ROBO2: variants seen among roughly 807,000 people sequenced by gnomAD.
ROBO2 encodes the protein roundabout homolog 2.
A neutral mutation model predicts 160.8 loss-of-function variants in ROBO2; 53 were observed. That is an observed-to-expected ratio of 0.33 (90% CI 0.26 to 0.41). The LOEUF is 0.41. ROBO2 is among the 10% of genes least tolerant of loss of function. The pLI, the probability that ROBO2 is intolerant of heterozygous loss-of-function variation, is 1.00. For missense variants in ROBO2, 1,577 were observed against 1,722.4 expected (o/e 0.92, Z 1.49); for synonymous variants, 664 against 611.7 (o/e 1.09, Z -1.26).
chr3:77,276,831 A>T (rs2059861101), intron 2 of ROBO2, among the ~76,000 whole-genome samples: 1 of 152,318 alleles, frequency 6.6e-6, no homozygotes, highest in East Asian at 1.9e-4. Context: ...AAGTCGAATG[A>T]GGAGCAAAGT....
intron 2 of ROBO2, among the ~76,000 whole-genome samples, chr3:77,304,456 C>CCGTTAGA (rs1367917538): frequency 6.6e-6 from 1 of 152,046 alleles, no homozygotes; most frequent in Non-Finnish European, 1.5e-5. Flanking sequence ...GAAGTGAGAG[C>CCGTTAGA]CGTTAGACGC....
At chr3:76,346,816 C>A (rs2074560319) in intron 2 of ROBO2, among the ~76,000 whole-genome samples, 3 of 152,156 alleles carry the variant, frequency 2.0e-5, no homozygotes, top group Non-Finnish European at 4.4e-5. Flanking sequence ...GATATACTCA[C>A]TGAGTGACAA....
At chr3:76,056,441 G>A (rs756918418) in intron 2 of ROBO2, among the ~76,000 whole-genome samples, 1 of 151,802 alleles carries the variant, frequency 6.6e-6, no homozygotes, top group Non-Finnish European at 1.5e-5. Context: ...TTTTTAAAAG[G>A]CATGATCATG....
chr3:77,267,634 T>G (rs1257171284), intron 2 of ROBO2, among the ~76,000 whole-genome samples: 1 of 152,078 alleles, frequency 6.6e-6, no homozygotes, highest in African/African-American at 2.4e-5. Context: ...ATAAAACAGT[T>G]TATTTGTAGT....
chr3:76,986,840 C>A (rs1468332117), intron 2 of ROBO2, among the ~76,000 whole-genome samples: 1 of 152,004 alleles, frequency 6.6e-6, no homozygotes. Flanking sequence ...TAATTGATAT[C>A]TATTATTAAA....
chr3:77,506,421 T>G (rs1349187255), intron 5 of ROBO2, among the ~76,000 whole-genome samples: 1 of 152,154 alleles, frequency 6.6e-6, no homozygotes, highest in African/African-American at 2.4e-5. Context: ...TTATTTATGT[T>G]TAATCCTAAC....
chr3:77,492,217 C>A (rs1248105810), intron 4 of ROBO2, among the ~76,000 whole-genome samples: 1 of 152,088 alleles, frequency 6.6e-6, no homozygotes, highest in African/African-American at 2.4e-5. Flanking sequence ...CAGTAAGTAG[C>A]AATATTGAAT....
chr3:76,116,757 C>T (rs2070487589), intron 2 of ROBO2, among the ~76,000 whole-genome samples: 1 of 152,168 alleles, frequency 6.6e-6, no homozygotes, highest in Non-Finnish European at 1.5e-5. Flanking sequence ...AGGTGTTATA[C>T]TGTTGTCAGC....
At chr3:76,461,897 A>G (rs2078105156) in intron 2 of ROBO2, among the ~76,000 whole-genome samples, 1 of 152,214 alleles carries the variant, frequency 6.6e-6, no homozygotes, top group Admixed American at 6.5e-5. Context: ...ATAGAGAAAT[A>G]GAGAGAATAA....
intron 2 of ROBO2, among the ~76,000 whole-genome samples, chr3:76,086,595 AC>A (rs1272218207): frequency 2.0e-5 from 3 of 152,156 alleles, no homozygotes; most frequent in Non-Finnish European, 4.4e-5. Context: ...AGGCCTATTT[AC>A]TGCAGTTCTG....
At chr3:76,959,638 G>A (rs184837909) in intron 2 of ROBO2, among the ~76,000 whole-genome samples, 68 of 152,170 alleles carry the variant, frequency 4.5e-4, no homozygotes, top group African/African-American at 1.6e-3. Flanking sequence ...AATGATACGA[G>A]TGCATCCCAG....
intron 2 of ROBO2, among the ~76,000 whole-genome samples, chr3:77,251,142 G>A (rs55790409): frequency 0.16 from 24,981 of 152,010 alleles, 2,725 homozygotes; most frequent in East Asian, 0.6. Flanking sequence ...ACCCACCCCT[G>A]TGGCAAGTCT....
intron 2 of ROBO2, among the ~76,000 whole-genome samples, chr3:76,086,331 T>C (rs2069011450): frequency 6.6e-6 from 1 of 152,098 alleles, no homozygotes; most frequent in Non-Finnish European, 1.5e-5. Flanking sequence ...ACCGCCCCCA[T>C]GATTCAGTCA....
In ROBO2 at chr3:76,082,407, A is replaced by C. The variant is rs975690029; in HGVS notation, c.109+144805A>C. On this transcript the variant is annotated intron_variant, in intron 2 of 26. Coordinates refer to the ROBO2 transcript ENST00000487694. ...ATCAATGGGAAGGGTAGATGATGAG[A>C]GTATAGGATGTGGAGTAGGAAATGA... Among the ~76,000 whole-genome samples, 14 of 152,162 alleles carry C rather than the reference A, an allele frequency of 9.2e-5. No individual in the cohort carries two copies. The South Asian group carries it at 2.3e-3, about 25-fold the overall frequency.
intron 6 of ROBO2, among the ~76,000 whole-genome samples, chr3:77,539,168 C>A (rs981564917): frequency 1.3e-5 from 2 of 152,160 alleles, no homozygotes; most frequent in Admixed American, 1.3e-4. Context: ...AATCCACCCG[C>A]CTCGGCCTCC....
chr3:76,602,708 G>A (rs2087251489), intron 2 of ROBO2, among the ~76,000 whole-genome samples: 1 of 151,524 alleles, frequency 6.6e-6, no homozygotes, highest in African/African-American at 2.4e-5. Context: ...ATGAGATTTG[G>A]GTGGGGACTC....
chr3:77,488,459 T>A (rs934932654), intron 4 of ROBO2, among the ~76,000 whole-genome samples: 1 of 152,174 alleles, frequency 6.6e-6, no homozygotes, highest in Non-Finnish European at 1.5e-5. Flanking sequence ...CATGAAAAAA[T>A]CAGTGACCTT....
chr3:77,248,757 C>T (rs1430335417), intron 2 of ROBO2, among the ~76,000 whole-genome samples: 4 of 147,232 alleles, frequency 2.7e-5, no homozygotes, highest in African/African-American at 5.0e-5. Flanking sequence ...CAGGAAATAG[C>T]TGCTTCAACA....
At chr3:76,280,945 T>G (rs919790691) in intron 2 of ROBO2, among the ~76,000 whole-genome samples, 1 of 151,938 alleles carries the variant, frequency 6.6e-6, no homozygotes, top group Non-Finnish European at 1.5e-5. Context: ...GGTGGGAATA[T>G]GTACTGGAGC....
Sources: gnomAD v4.1 joint callset for allele counts (sites outside exome capture counted in the v4.1 genomes callset) on GRCh38, gnomAD v4.1.1 for gene constraint, MANE v1.5 for transcripts, NCBI Gene and HGNC (gene_info 2026-07-23, HGNC 2026-07-21) for gene names.